CRYBG1: variants seen among roughly 807,000 people sequenced by gnomAD.
The protein encoded by CRYBG1 is beta/gamma crystallin domain-containing protein 1.
A neutral mutation model predicts 189.2 loss-of-function variants in CRYBG1; 139 were observed. The observed-to-expected ratio is 0.73, with a 90% CI of 0.64 to 0.85. CRYBG1 has a LOEUF of 0.85. Among genes scored for constraint, CRYBG1 ranks in the 40% least tolerant of loss-of-function variants. The probability of loss-of-function intolerance (pLI) is 0.00; values close to 1 mark genes in which losing one functional copy is unlikely to be tolerated. For synonymous variants in CRYBG1, 1,023 were observed against 1,017.1 expected (o/e 1.01, Z -0.11); for missense variants, 2,611 against 2,675.8 (o/e 0.98, Z 0.53).
At chr6:106,367,085 C>G (rs547554638) in intron 1 of CRYBG1, among the ~76,000 whole-genome samples, 1 of 152,244 alleles carries the variant, frequency 6.6e-6, no homozygotes, top group South Asian at 2.1e-4. Flanking sequence ...GAGTTTTTCC[C>G]AAAGGGATTT....
chr6:106,505,691 T>G (rs1282988341), intron 2 of CRYBG1, among the ~76,000 whole-genome samples: 1 of 151,680 alleles, frequency 6.6e-6, no homozygotes, highest in Non-Finnish European at 1.5e-5. Flanking sequence ...TAGCTCAAAT[T>G]CCTATATTTT....
rs1216306841 is a variant in CRYBG1 at position 106,512,528 on chromosome 6, C to T, written c.1411C>T (p.Arg471Trp). 3.7e-6 allele frequency: 6 copies of T among 1,609,434 alleles called. No individual in the cohort carries two copies. The highest frequency in any genetic ancestry group is 1.1e-5 in the South Asian group (1 of 90,514). ...ASAEKKVKSP[R>W]AALDGGVASA... is the part of the protein sequence containing the mutation. ...GGCGGAAAAGAAAGTGAAATCTCCG[C>T]GGGCAGCCCTCGACGGGGGCGTTGC... The change falls in exon 3 of 22, where the codon CGG becomes TGG. Residue 471 changes from arginine (R) to tryptophan (W), a missense_variant. Arg to Trp is a moderately radical substitution (Grantham distance 101). Coordinates refer to ENST00000633556, the MANE Select transcript of CRYBG1 (RefSeq NM_001371242.2).
intron 2 of CRYBG1, among the ~76,000 whole-genome samples, chr6:106,489,664 C>CAAA (rs75108691): frequency 8.6e-6 from 1 of 115,624 alleles, no homozygotes. Context: ...ACTAAAAATA[C>CAAA]AAAAAAAAAA....
At chr6:106,411,884 G>A (rs932226870) in intron 1 of CRYBG1, among the ~76,000 whole-genome samples, 1 of 152,170 alleles carries the variant, frequency 6.6e-6, no homozygotes, top group African/African-American at 2.4e-5. Flanking sequence ...GCAGGCATCT[G>A]GCACAAGAAG....
rs1042929507 is a variant in CRYBG1 at position 106,513,067 on chromosome 6, G to A, written c.1922+28G>A. ...AAGTAGCCGCGCAAGTCCCGGCCGA[G>A]TTGCTGTCCGCACACGTGCTGGGGG... On this transcript the variant is annotated intron_variant, in intron 3 of 21. Coordinates refer to ENST00000633556, the MANE Select transcript of CRYBG1 (RefSeq NM_001371242.2). The A allele has an allele frequency of 5.1e-6, 8 of 1,583,016 alleles. No homozygotes were observed. The African/African-American group carries it at 8.0e-5, about 16-fold the overall frequency.
In CRYBG1 at chr6:106,521,273, A is replaced by AT; in HGVS notation, c.4069dup (p.Ser1357PhefsTer2). 1 of 1,613,830 alleles carries AT rather than the reference A, an allele frequency of 6.2e-7. No individual in the cohort carries two copies. Among genetic ancestry groups the AT allele is most frequent in the Non-Finnish European group, 8.5e-7 (1 of 1,179,960 alleles). ...GCAACCTACACTTGCCAGAAACTAA[A>AT]TTTTCTGAATTGTCAAAACTGAAGA... On this transcript the variant is annotated frameshift_variant, in exon 4 of 22. Transcript: ENST00000633556. LOFTEE classifies it high-confidence loss of function.
chr6:106,499,515 CAAAT>C (rs139775457), intron 2 of CRYBG1, among the ~76,000 whole-genome samples: 102,531 of 150,794 alleles, frequency 0.68, 35,486 homozygotes, highest in African/African-American at 0.82. Context: ...GTTTAATTGA[CAAAT>C]AATTTTATAT....
At chr6:106,525,735 G>A (rs1375401803) in intron 6 of CRYBG1, among the ~76,000 whole-genome samples, 1 of 152,016 alleles carries the variant, frequency 6.6e-6, no homozygotes, top group Non-Finnish European at 1.5e-5. Flanking sequence ...AATTGCACTA[G>A]TTATGTTGAT....
At position 106,534,909 on chromosome 6, in the gene CRYBG1, G is replaced by A. The variant is rs76518408; in HGVS notation, c.4719-4494G>A. 6.9e-3 allele frequency among the ~76,000 whole-genome samples: 1,048 copies of A among 152,190 alleles called. 7 individuals are homozygous for A. The highest frequency in any genetic ancestry group is 0.012 in the Non-Finnish European group (788 of 68,004). On this transcript the variant is annotated intron_variant, in intron 8 of 21. Transcript: ENST00000633556. ...TCAAAGGGAGTATAAAGATGATCTG[G>A]CCCAACACCATCATTTGACTGAGGA...
chr6:106,525,705 C>CT (rs1773724285), intron 6 of CRYBG1, among the ~76,000 whole-genome samples: 1 of 151,928 alleles, frequency 6.6e-6, no homozygotes, highest in African/African-American at 2.4e-5. Context: ...GGTTGATGAC[C>CT]TTTAAATGAG....
At chr6:106,445,992 C>A (rs1771657115) in intron 1 of CRYBG1, among the ~76,000 whole-genome samples, 1 of 152,162 alleles carries the variant, frequency 6.6e-6, no homozygotes, top group South Asian at 2.1e-4. Context: ...CTTCCAGTAC[C>A]ATGTACATGG....
In CRYBG1 at chr6:106,422,344, A is replaced by ATTTATTTTTTTATTTTTTTT. The variant is rs57640822; in HGVS notation, c.174-29347_174-29346insATTTTTTTATTTTTTTTTTT. ...TTGTTATTTATTTATTTATTTATTT[A>ATTTATTTTTTTATTTTTTTT]TTTTTGAGACATGGTCTCACTTGGT... is the stretch of plus-strand genomic sequence containing the variant. On this transcript the variant is annotated intron_variant, in intron 1 of 21. Transcript: ENST00000633556. Among the ~76,000 whole-genome samples, 13 of 139,928 alleles carry ATTTATTTTTTTATTTTTTTT rather than the reference A, an allele frequency of 9.3e-5. 1 individual carries two copies. The highest frequency in any genetic ancestry group is 1.8e-4 in the Non-Finnish European group (12 of 65,038). The allele number at this position is 139,928 out of a possible 152,430, so 91.8% of individuals were successfully genotyped here.
At position 106,471,694 on chromosome 6, in the gene CRYBG1, C is replaced by T. The variant is rs556837557; in HGVS notation, c.312+19862C>T. ...GGAGTGTGGGTCATCCTGGAAGTGA[C>T]GTGGCAGCCTCTGGGCTATGTCAGT... On this transcript the variant is annotated intron_variant, in intron 2 of 21. Coordinates refer to ENST00000633556, the MANE Select transcript of CRYBG1 (RefSeq NM_001371242.2). 7.2e-5 allele frequency among the ~76,000 whole-genome samples: 11 copies of T among 152,036 alleles called. No individual in the cohort carries two copies. In the East Asian group the frequency reaches 1.4e-3, roughly 19 times the overall value.
At chr6:106,517,148 A>G (rs746328867) in intron 3 of CRYBG1, among the ~76,000 whole-genome samples, 7 of 150,584 alleles carry the variant, frequency 4.6e-5, no homozygotes, top group Non-Finnish European at 8.8e-5. Flanking sequence ...AGCTGGGACT[A>G]CAGGCACGCA....
intron 1 of CRYBG1, among the ~76,000 whole-genome samples, chr6:106,410,752 G>A (rs563563703): frequency 6.6e-6 from 1 of 152,198 alleles, no homozygotes; most frequent in East Asian, 1.9e-4. Flanking sequence ...TCAGCAAACT[G>A]ACACAGGAAC....
intron 2 of CRYBG1, among the ~76,000 whole-genome samples, chr6:106,482,088 A>G (rs1209533213): frequency 1.3e-5 from 2 of 152,204 alleles, no homozygotes; most frequent in East Asian, 3.9e-4. Context: ...GCAAGGCTTC[A>G]GTCAAGGTGT....
intron 2 of CRYBG1, among the ~76,000 whole-genome samples, chr6:106,479,859 G>A (rs752293011): frequency 2.6e-5 from 4 of 152,146 alleles, no homozygotes; most frequent in South Asian, 2.1e-4. Flanking sequence ...TCCATTCTGT[G>A]GATTCTCTTT....
intron 1 of CRYBG1, among the ~76,000 whole-genome samples, chr6:106,362,232 G>C (rs561218508): frequency 6.6e-6 from 1 of 151,492 alleles, no homozygotes; most frequent in Admixed American, 6.6e-5. Context: ...GCCTCCCAAA[G>C]TGCTGGGATT....
Position 106,544,649 on chromosome 6 carries a change from C to T in CRYBG1, c.5118C>T (p.Ala1706=), listed in dbSNP as rs1333383845. The T allele has an allele frequency of 1.9e-6, 3 of 1,613,884 alleles. No individual in the cohort carries two copies. The Admixed American group carries it at 5.0e-5, about 27-fold the overall frequency. The stretch of plus-strand genomic sequence containing the variant: ...AAGGAGAATACAGGGACTGGAAAGC[C>T]TGGGGAGGTTACAATGGAGAGCTTC... ...LEEGEYRDWK[A]WGGYNGELQS... The change falls in exon 12 of 22, where the codon GCC becomes GCT. Residue 1706 remains alanine, a synonymous_variant. Coordinates refer to ENST00000633556, the MANE Select transcript of CRYBG1 (RefSeq NM_001371242.2).
Sources: allele counts gnomAD v4.1 joint callset (sites outside exome capture counted in the v4.1 genomes callset), GRCh38; gene constraint gnomAD v4.1.1; transcripts MANE v1.5; gene names NCBI Gene and HGNC (gene_info 2026-07-23, HGNC 2026-07-21).